PI4KB: variants seen among roughly 807,000 people sequenced by gnomAD.
The protein encoded by PI4KB is PtdIns 4-kinase beta.
PI4KB carries 23 observed loss-of-function variants against 81.4 expected under a neutral mutation model. The ratio of observed to expected loss-of-function variants is 0.28; its 90% CI spans 0.20 to 0.40. The LOEUF is 0.40. Among genes scored for constraint, PI4KB ranks in the 10% least tolerant of loss-of-function variants. The pLI, the probability that PI4KB is intolerant of heterozygous loss-of-function variation, is 1.00. For missense variants in PI4KB, 651 were observed against 1,036.6 expected (o/e 0.63, Z 5.11); for synonymous variants, 381 against 406.8 (o/e 0.94, Z 0.76).
rs587741967 is a variant in PI4KB at position 151,304,343 on chromosome 1, G to GTT, written c.1411-695_1411-694dup. 4.5e-3 allele frequency among the ~76,000 whole-genome samples: 607 copies of GTT among 135,220 alleles called. 4 individuals are homozygous for GTT. Among genetic ancestry groups the GTT allele is most frequent in the East Asian group, 0.014 (64 of 4,676 alleles). 88.7% of individuals were successfully genotyped at this position (135,220 alleles called of 152,430 possible). On this transcript the variant is annotated intron_variant, in intron 5 of 11. Transcript: ENST00000368873. Reference sequence around the variant, plus strand: ...TTGGCAAAGTGAAACCTGGCTGTGTGTTTTTTTTTTTTTTTTTTAGACGGA... The same window carrying GTT: ...TTGGCAAAGTGAAACCTGGCTGTGTGTTTTTTTTTTTTTTTTTTTTAGACGGA...
intron 3 of PI4KB, among the ~76,000 whole-genome samples, chr1:151,308,664 T>C (rs995651599): frequency 1.3e-5 from 2 of 152,210 alleles, no homozygotes; most frequent in Non-Finnish European, 2.9e-5. Flanking sequence ...AAGAGCAAAG[T>C]TGGTCTTGGA....
intron 5 of PI4KB, among the ~76,000 whole-genome samples, chr1:151,304,885 A>G (rs11204800): frequency 0.012 from 1,759 of 148,776 alleles, 37 homozygotes; most frequent in African/African-American, 0.041. Context: ...GCTGAAGTGC[A>G]GTGGCGTGAT....
In PI4KB at chr1:151,292,836, TGGGCTG is replaced by T. The variant is rs1360505091; in HGVS notation, c.*10_*15del. On this transcript the variant is annotated 3_prime_UTR_variant, in exon 12 of 12. Coordinates refer to ENST00000368873, the MANE Select transcript of PI4KB (RefSeq NM_001369623.2). The stretch of plus-strand genomic sequence containing the variant: ...GGTGCCCTGGACCCCCCACCACTCC[TGGGCTG>T]AGGAGCGTGTCACATGATGCCGTTG... 5 of 1,612,744 alleles carry T rather than the reference TGGGCTG, an allele frequency of 3.1e-6. No individual in the cohort carries two copies. Among genetic ancestry groups the T allele is most frequent in the African/African-American group, 1.3e-5 (1 of 74,892 alleles).
Position 151,321,730 on chromosome 1 carries a change from G to A in PI4KB, c.-28-5221C>T, listed in dbSNP as rs141756147. ...CTACTAAAAATACAAAAAATTAGCC[G>A]GGCATGGTGGTGGGCACCTGTAGTC... On this transcript the variant is annotated intron_variant, in intron 1 of 11. Coordinates refer to ENST00000368873, the MANE Select transcript of PI4KB (RefSeq NM_001369623.2). Among the ~76,000 whole-genome samples the A allele has an allele frequency of 9.1e-3, 1,386 of 151,642 alleles. 27 individuals carry two copies. The highest frequency in any genetic ancestry group is 0.032 in the African/African-American group (1,328 of 41,388).
rs114207089 is a variant in PI4KB at position 151,327,190 on chromosome 1, A to G, written c.-29+81T>C. On this transcript the variant is annotated intron_variant, in intron 1 of 11. Transcript: ENST00000368873. ...TCGTAGTCGAACTCAGGTGGGGAAG[A>G]CTGTGCGGGACAGGGTGGGAGAGGG... 2,838 of 381,206 alleles carry G rather than the reference A, an allele frequency of 7.4e-3. 71 individuals are homozygous for G. The highest frequency in any genetic ancestry group is 0.056 in the African/African-American group (2,632 of 46,674). 23.6% of individuals were successfully genotyped at this position (381,206 alleles called of 1,614,324 possible). A position where few individuals can be genotyped will look rare whatever the true frequency, so the allele number is the denominator to read the frequency against.
rs916129303 is a variant in PI4KB, at chr1:151,291,985, G to A, written c.*867C>T. ...GAACATGGAAGGCCCGCCCTTCTCAGGGAAGAGGTGGTAGTGACCAAGACA... is the reference window on the plus strand; with the variant it reads ...GAACATGGAAGGCCCGCCCTTCTCAAGGAAGAGGTGGTAGTGACCAAGACA... On this transcript the variant is annotated 3_prime_UTR_variant, in exon 12 of 12. Transcript: ENST00000368873. 4 of 152,154 alleles carry A rather than the reference G, an allele frequency of 2.6e-5. No homozygotes were observed. Among genetic ancestry groups the A allele is most frequent in the Non-Finnish European group, 5.9e-5 (4 of 68,048 alleles). The allele number at this position is 152,154 out of a possible 1,614,324, so 9.4% of individuals were successfully genotyped here.
At chr1:151,303,030 G>C (rs865943054) in intron 6 of PI4KB, among the ~76,000 whole-genome samples, 3 of 123,360 alleles carry the variant, frequency 2.4e-5, no homozygotes, top group Admixed American at 9.9e-5. Flanking sequence ...ACGGAGTCTC[G>C]TTCTGTCGCC....
At chr1:151,302,719 A>C (rs1392094747) in intron 6 of PI4KB, among the ~76,000 whole-genome samples, 1 of 149,994 alleles carries the variant, frequency 6.7e-6, no homozygotes, top group Admixed American at 6.7e-5. Flanking sequence ...CTGGGACTAC[A>C]GGCGCCCACC....
In PI4KB at chr1:151,306,438, T is replaced by G. The variant is rs1695766453; in HGVS notation, c.1183-75A>C. On this transcript the variant is annotated intron_variant, in intron 4 of 11. Transcript: ENST00000368873. ...CCAAATCTCAACTCTGTTAGCAAGGTTCTTCCTGCTGTCCTTTCTCCTAGC... is the reference window on the plus strand; with the variant it reads ...CCAAATCTCAACTCTGTTAGCAAGGGTCTTCCTGCTGTCCTTTCTCCTAGC... The G allele has an allele frequency of 9.9e-6, 9 of 907,514 alleles. No individual in the cohort carries two copies. The Admixed American group carries it at 1.7e-4, about 17-fold the overall frequency. 56.2% of individuals were successfully genotyped at this position (907,514 alleles called of 1,614,324 possible).
chr1:151,294,337 C>A, intron 10 of PI4KB, 72 bp downstream of exon 10: 1 of 1,539,050 alleles, frequency 6.5e-7, no homozygotes, highest in Non-Finnish European at 8.9e-7. Flanking sequence ...GCAGGGAGCC[C>A]ATCAGCTCCC....
chr1:151,307,751 G>A lies in PI4KB; in HGVS notation c.1005C>T (p.Ile335=), dbSNP rs200044950. The A allele has an allele frequency of 2.7e-5, 44 of 1,614,012 alleles. No individual in the cohort carries two copies. The highest frequency in any genetic ancestry group is 3.4e-5 in the Non-Finnish European group (40 of 1,180,000). The change falls in exon 4 of 12, where the codon ATC becomes ATT. Residue 335 remains isoleucine, a synonymous_variant. Transcript: ENST00000368873. Reference sequence around the variant, plus strand: ...TGGGGAGCGTGGCCAGCCGCTTGCCGATCGCCATCAGGGACTTGATGAATT... The same window carrying A: ...TGGGGAGCGTGGCCAGCCGCTTGCCAATCGCCATCAGGGACTTGATGAATT... ...EREFIKSLMA[I]GKRLATLPTK...
intron 1 of PI4KB, among the ~76,000 whole-genome samples, 198 bp downstream of exon 1, chr1:151,327,073 A>G (rs1649725905): frequency 1.3e-5 from 2 of 152,150 alleles, no homozygotes; most frequent in South Asian, 2.1e-4. Context: ...GAGCTAATAG[A>G]AGAGGAAGCC....
intron 9 of PI4KB, among the ~76,000 whole-genome samples, chr1:151,296,069 A>G (rs983724283): frequency 7.2e-5 from 11 of 152,166 alleles, no homozygotes; most frequent in African/African-American, 2.7e-4. Flanking sequence ...AAGATGGTGA[A>G]ACCCCGTCTC....
At position 151,315,450 on chromosome 1, in the gene PI4KB, T is replaced by C. The variant is rs181094356; in HGVS notation, c.909+123A>G. ...CTTTCCATTCTAACATTCCATGCTTTTATCAGTGAAATGAAACAGGGAGGA... is the reference window on the plus strand; with the variant it reads ...CTTTCCATTCTAACATTCCATGCTTCTATCAGTGAAATGAAACAGGGAGGA... On this transcript the variant is annotated intron_variant, in intron 2 of 11. Coordinates refer to ENST00000368873, the MANE Select transcript of PI4KB (RefSeq NM_001369623.2). 1.4e-4 allele frequency: 104 copies of C among 723,404 alleles called. No individual in the cohort carries two copies. The East Asian group carries it at 2.5e-3, about 17-fold the overall frequency. The allele number at this position is 723,404 out of a possible 1,614,324, so 44.8% of individuals were successfully genotyped here.
intron 10 of PI4KB, 110 bp from the exon 11 acceptor site, chr1:151,294,248 C>T (rs1174322330): frequency 6.7e-7 from 1 of 1,498,338 alleles, no homozygotes; most frequent in African/African-American, 1.4e-5. Context: ...TGTTATTTCC[C>T]CCTTCCTTAT....
intron 10 of PI4KB, 55 bp from the exon 11 acceptor site, chr1:151,294,193 C>G: frequency 6.3e-7 from 1 of 1,575,618 alleles, no homozygotes; most frequent in Non-Finnish European, 8.6e-7. Flanking sequence ...GGGGATGGTC[C>G]CTGTCCTGAC....
chr1:151,302,995 G>GTTTTTTTTTT (rs775167343), intron 6 of PI4KB, among the ~76,000 whole-genome samples: 1 of 107,136 alleles, frequency 9.3e-6, no homozygotes, highest in Non-Finnish European at 1.9e-5. Context: ...GTGCTTTCTT[G>GTTTTTTTTTT]TTTTTTTTTT....
At chr1:151,319,117 CA>C (rs1324753615) in intron 1 of PI4KB, among the ~76,000 whole-genome samples, 1 of 152,106 alleles carries the variant, frequency 6.6e-6, no homozygotes, top group Non-Finnish European at 1.5e-5. Context: ...CTATGTGGAA[CA>C]AATACCATCA....
chr1:151,326,046 C>A, intron 1 of PI4KB: 1 of 956,930 alleles, frequency 1.0e-6, no homozygotes, highest in Non-Finnish European at 1.7e-6. Flanking sequence ...CCAACCAAAA[C>A]TATTCTAGTA....
Sources: gnomAD v4.1 joint callset for allele counts (sites outside exome capture counted in the v4.1 genomes callset) on GRCh38, gnomAD v4.1.1 for gene constraint, MANE v1.5 for transcripts, NCBI Gene and HGNC (gene_info 2026-07-23, HGNC 2026-07-21) for gene names.